MTHFD2L: variants seen among roughly 807,000 people sequenced by gnomAD.
MTHFD2L encodes the protein methylenetetrahydrofolate dehydrogenase (NADP+ dependent) 2 like, also known as bifunctional methylenetetrahydrofolate dehydrogenase/cyclohydrolase 2, mitochondrial.
MTHFD2L carries 29 observed loss-of-function variants against 34.9 expected under a neutral mutation model. The ratio of observed to expected loss-of-function variants is 0.83; its 90% confidence interval spans 0.62 to 1.13. The LOEUF (loss-of-function observed/expected upper bound fraction) is 1.13, where lower values mean the gene tolerates loss of function less well. Among genes scored for constraint, MTHFD2L ranks in the 50% most tolerant of loss-of-function variants. The probability of loss-of-function intolerance (pLI) is 0.00; values close to 1 mark genes in which losing one functional copy is unlikely to be tolerated. For synonymous variants in MTHFD2L, 167 were observed against 155.7 expected (o/e 1.07, Z -0.54); for missense variants, 481 against 446.5 (o/e 1.08, Z -0.70).
upstream of MTHFD2L, among the ~76,000 whole-genome samples, chr4:74,119,769 C>T (rs781182366): frequency 2.0e-5 from 3 of 151,514 alleles, no homozygotes; most frequent in African/African-American, 4.9e-5. Flanking sequence ...GGTGACAGAG[C>T]GAGACTCCAT....
intron 7 of MTHFD2L, among the ~76,000 whole-genome samples, chr4:74,291,163 G>A (rs7670641): frequency 0.012 from 1,873 of 150,836 alleles, 46 homozygotes; most frequent in African/African-American, 0.043. Flanking sequence ...GACTACAGAC[G>A]CACGTGCCAC....
At chr4:74,299,005 C>T (rs1482528200) in intron 7 of MTHFD2L, among the ~76,000 whole-genome samples, 12 of 151,986 alleles carry the variant, frequency 7.9e-5, no homozygotes, top group Admixed American at 3.9e-4. Context: ...ATTATTAAAA[C>T]AGCATAATTC....
intron 3 of MTHFD2L, chr4:74,181,830 C>T (rs1302311034): frequency 6.6e-6 from 1 of 152,032 alleles, no homozygotes; most frequent in Non-Finnish European, 1.5e-5. Flanking sequence ...GCAGATTTAA[C>T]ATAAAATAAT....
intron 1 of MTHFD2L, among the ~76,000 whole-genome samples, chr4:74,142,487 A>G (rs1723335937): frequency 6.6e-6 from 1 of 152,212 alleles, no homozygotes; most frequent in Non-Finnish European, 1.5e-5. Context: ...GACTCTCACC[A>G]AAGCCTAACT....
intron 5 of MTHFD2L, among the ~76,000 whole-genome samples, chr4:74,207,105 G>A (rs935020812): frequency 6.6e-6 from 1 of 151,890 alleles, no homozygotes; most frequent in Non-Finnish European, 1.5e-5. Flanking sequence ...TCCTTATGTT[G>A]CCCAGGCTGG....
intron 6 of MTHFD2L, among the ~76,000 whole-genome samples, chr4:74,272,406 T>C (rs1480877319): frequency 1.3e-5 from 2 of 152,200 alleles, no homozygotes; most frequent in Admixed American, 1.3e-4. Flanking sequence ...GGTTGTTCTT[T>C]TAACATTATA....
At chr4:74,215,441 T>C (rs563553679) in intron 5 of MTHFD2L, among the ~76,000 whole-genome samples, 15 of 151,886 alleles carry the variant, frequency 9.9e-5, no homozygotes, top group Admixed American at 2.6e-4. Context: ...TTTCCTTGGC[T>C]AGGGGAGGGA....
chr4:74,118,075 G>T (rs1341098332), intron 2 of MTHFD2L, among the ~76,000 whole-genome samples: 1 of 152,024 alleles, frequency 6.6e-6, no homozygotes, highest in African/African-American at 2.4e-5. Context: ...ACCGTGCTTG[G>T]TACATAGGGT....
chr4:74,222,628 T>A (rs1262918469), intron 5 of MTHFD2L, among the ~76,000 whole-genome samples: 5 of 152,138 alleles, frequency 3.3e-5, no homozygotes, highest in Non-Finnish European at 7.4e-5. Flanking sequence ...CACACTTTTT[T>A]AAAGTCTTGA....
chr4:74,177,674 T>A (rs1468021299), intron 3 of MTHFD2L, among the ~76,000 whole-genome samples: 1 of 151,942 alleles, frequency 6.6e-6, no homozygotes, highest in African/African-American at 2.4e-5. Context: ...TACAGTCATT[T>A]TAGAAAACAG....
intron 6 of MTHFD2L, among the ~76,000 whole-genome samples, chr4:74,238,974 C>A (rs1320838779): frequency 6.6e-5 from 10 of 152,314 alleles, no homozygotes; most frequent in East Asian, 1.9e-4. Flanking sequence ...ACCCAGCGAT[C>A]CCATTACTGG....
chr4:74,267,764 A>G, intron 6 of MTHFD2L: 1 of 985,394 alleles, frequency 1.0e-6, no homozygotes, highest in African/African-American at 1.7e-5. Flanking sequence ...AGAGAAGCAC[A>G]CATTTGGACC....
intron 1 of MTHFD2L, among the ~76,000 whole-genome samples, chr4:74,131,805 A>C (rs1432315458): frequency 6.6e-6 from 1 of 152,198 alleles, no homozygotes; most frequent in Non-Finnish European, 1.5e-5. Flanking sequence ...CAACCTATAG[A>C]ATGAGAGAAA....
intron 5 of MTHFD2L, among the ~76,000 whole-genome samples, chr4:74,215,572 G>A (rs1426455952): frequency 6.6e-6 from 1 of 151,510 alleles, no homozygotes; most frequent in African/African-American, 2.4e-5. Flanking sequence ...ACCTTAGTTG[G>A]AAATGCAGAA....
intron 3 of MTHFD2L, among the ~76,000 whole-genome samples, chr4:74,199,418 G>T (rs984694375): frequency 2.0e-5 from 3 of 152,224 alleles, no homozygotes; most frequent in Non-Finnish European, 2.9e-5. Flanking sequence ...AGCCTATTAG[G>T]AGAACTGTCT....
intron 3 of MTHFD2L, among the ~76,000 whole-genome samples, chr4:74,185,100 C>G (rs951739183): frequency 1.1e-4 from 15 of 131,288 alleles, no homozygotes; most frequent in African/African-American, 4.6e-4. Context: ...TGCAGTGAGC[C>G]GAGATTAAGC....
chr4:74,272,415 T>G (rs1746112396), intron 6 of MTHFD2L, among the ~76,000 whole-genome samples: 1 of 152,330 alleles, frequency 6.6e-6, no homozygotes, highest in South Asian at 2.1e-4. Context: ...TTTAACATTA[T>G]AAGAAATTTC....
chr4:74,156,665 T>A (rs1036555472), upstream of MTHFD2L: 2 of 152,212 alleles, frequency 1.3e-5, no homozygotes, highest in African/African-American at 4.8e-5. Flanking sequence ...CATTTTTTTA[T>A]TCACCAACAA....
chr4:74,271,778 A>G (rs968600533), intron 6 of MTHFD2L, among the ~76,000 whole-genome samples: 5 of 152,084 alleles, frequency 3.3e-5, no homozygotes, highest in African/African-American at 7.2e-5. Context: ...CCATTTTCAC[A>G]ATATTGATTC....
Sources: gnomAD v4.1 joint callset for allele counts (sites outside exome capture counted in the v4.1 genomes callset) on GRCh38, gnomAD v4.1.1 for gene constraint, MANE v1.5 for transcripts, NCBI Gene and HGNC (gene_info 2026-07-23, HGNC 2026-07-21) for gene names.